PDE4B: variants seen among roughly 807,000 people sequenced by gnomAD.
PDE4B encodes 3',5'-cyclic-AMP phosphodiesterase 4B.
PDE4B carries 20 observed loss-of-function variants against 82.2 expected under a neutral mutation model. The observed-to-expected ratio is 0.24, with a 90% confidence interval of 0.17 to 0.35. The LOEUF is 0.35. Among genes scored for constraint, PDE4B ranks in the 10% least tolerant of loss-of-function variants. The probability of loss-of-function intolerance (pLI) is 1.00; values close to 1 mark genes in which losing one functional copy is unlikely to be tolerated. For missense variants in PDE4B, 655 were observed against 907.2 expected, an observed-to-expected ratio of 0.72 and a Z score of 3.57; for synonymous variants, 320 against 318.9, an observed-to-expected ratio of 1.00 and a Z score of -0.04.
At chr1:65,846,583 G>A (rs1646270513) in intron 1 of PDE4B, among the ~76,000 whole-genome samples, 1 of 152,126 alleles carries the variant, frequency 6.6e-6, no homozygotes, top group Non-Finnish European at 1.5e-5. Context: ...GGGTTAAGAA[G>A]CTAAGATGCT....
chr1:66,251,204 A>G (rs1049196468), intron 4 of PDE4B, among the ~76,000 whole-genome samples: 3 of 152,246 alleles, frequency 2.0e-5, no homozygotes, highest in African/African-American at 7.2e-5. Flanking sequence ...ATCTGTTAAA[A>G]TACTTTACAT....
intron 10 of PDE4B, 119 bp downstream of exon 10, chr1:66,361,912 G>A (rs541400003): frequency 1.8e-5 from 14 of 777,814 alleles, no homozygotes; most frequent in Admixed American, 3.1e-5. Flanking sequence ...TTTGTGTTAG[G>A]GAAGCTCATA....
At chr1:65,816,920 T>C (rs544147864) in intron 1 of PDE4B, among the ~76,000 whole-genome samples, 4 of 152,348 alleles carry the variant, frequency 2.6e-5, no homozygotes, top group African/African-American at 9.6e-5. Flanking sequence ...TAAACATATT[T>C]GTAAAAAAGT....
At chr1:66,058,548 C>T (rs917756730) in intron 3 of PDE4B, among the ~76,000 whole-genome samples, 1 of 152,260 alleles carries the variant, frequency 6.6e-6, no homozygotes, top group African/African-American at 2.4e-5. Flanking sequence ...CATTTCCATA[C>T]ATCCTCTGAA....
chr1:66,242,074 A>G (rs1230104355), intron 3 of PDE4B, among the ~76,000 whole-genome samples: 2 of 152,206 alleles, frequency 1.3e-5, no homozygotes, highest in African/African-American at 4.8e-5. Context: ...AGTGAGAGAG[A>G]TAAGTAAACA....
At chr1:65,880,658 A>C (rs748169075) in intron 1 of PDE4B, among the ~76,000 whole-genome samples, 16 of 152,150 alleles carry the variant, frequency 1.1e-4, no homozygotes, top group Admixed American at 2.6e-4. Flanking sequence ...GGGATCCCTC[A>C]GCAGACACCG....
chr1:66,116,803 A>T (rs992609230), intron 3 of PDE4B, among the ~76,000 whole-genome samples: 2 of 152,128 alleles, frequency 1.3e-5, no homozygotes, highest in Non-Finnish European at 2.9e-5. Context: ...GGGCTCAAGC[A>T]ATCCTCCATC....
chr1:66,224,970 C>T (rs1570505518), intron 3 of PDE4B, among the ~76,000 whole-genome samples: 3 of 152,144 alleles, frequency 2.0e-5, no homozygotes, highest in Non-Finnish European at 4.4e-5. Flanking sequence ...TATCTGTCAC[C>T]GAATCTACCA....
chr1:66,327,270 GA>G (rs1008516075), intron 7 of PDE4B, among the ~76,000 whole-genome samples: 21 of 151,712 alleles, frequency 1.4e-4, no homozygotes, highest in African/African-American at 4.8e-4. Context: ...CATTGAAACA[GA>G]AAAAAAATAA....
At chr1:66,038,456 G>A (rs1294314991) in intron 3 of PDE4B, among the ~76,000 whole-genome samples, 1 of 152,054 alleles carries the variant, frequency 6.6e-6, no homozygotes, top group African/African-American at 2.4e-5. Flanking sequence ...GGAGTGAAGA[G>A]AACATCCTTT....
intron 3 of PDE4B, chr1:65,992,630 A>C: frequency 5.5e-6 from 4 of 721,468 alleles, no homozygotes; most frequent in Non-Finnish European, 7.4e-6. Context: ...TGTAGCTTGC[A>C]GACAAACCTC....
At chr1:66,202,096 T>C (rs1084487) in intron 3 of PDE4B, among the ~76,000 whole-genome samples, 92,619 of 142,096 alleles carry the variant, frequency 0.65, 26,843 homozygotes, top group Non-Finnish European at 0.71. Context: ...GCCTTCATTT[T>C]GTTATGTACC....
chr1:66,118,010 G>A (rs1329429627), intron 3 of PDE4B, among the ~76,000 whole-genome samples: 1 of 152,140 alleles, frequency 6.6e-6, no homozygotes, highest in Non-Finnish European at 1.5e-5. Context: ...ATTCTAATTG[G>A]TGTGAGATGG....
chr1:66,223,053 T>C (rs1426963872), intron 3 of PDE4B, among the ~76,000 whole-genome samples: 4 of 152,208 alleles, frequency 2.6e-5, no homozygotes, highest in African/African-American at 9.6e-5. Flanking sequence ...TGTATATCCA[T>C]TGAGTGTTCA....
At chr1:65,806,808 C>A (rs542536268) in intron 1 of PDE4B, among the ~76,000 whole-genome samples, 18 of 152,300 alleles carry the variant, frequency 1.2e-4, no homozygotes, top group South Asian at 4.1e-4. Flanking sequence ...TGACCAAACT[C>A]TCATTACTGC....
At position 65,933,122 on chromosome 1, in the gene PDE4B, T is replaced by G. The variant is rs1052196853; in HGVS notation, c.281+14287T>G. Among the ~76,000 whole-genome samples, 6 of 151,958 alleles carry G rather than the reference T, an allele frequency of 3.9e-5. No homozygotes were observed. The South Asian group carries it at 1.2e-3, about 32-fold the overall frequency. The stretch of plus-strand genomic sequence containing the variant: ...GAAGCCCAGCAGATACCAGATGAAA[T>G]GAACGGAAAGAAACCTACACTGAGA... On this transcript the variant is annotated intron_variant, in intron 3 of 16. Transcript: ENST00000341517.
intron 3 of PDE4B, among the ~76,000 whole-genome samples, chr1:66,182,297 C>T (rs539843260): frequency 6.6e-6 from 1 of 152,106 alleles, no homozygotes; most frequent in South Asian, 2.1e-4. Flanking sequence ...GGAAACACGT[C>T]AGAATTCATC....
intron 7 of PDE4B, among the ~76,000 whole-genome samples, chr1:66,321,419 G>A (rs1323713453): frequency 2.0e-5 from 3 of 152,120 alleles, no homozygotes; most frequent in Admixed American, 1.3e-4. Flanking sequence ...CTCCAGCATA[G>A]ACTGCTGTAA....
intron 7 of PDE4B, among the ~76,000 whole-genome samples, chr1:66,323,087 A>G (rs1455077088): frequency 1.3e-5 from 2 of 152,118 alleles, no homozygotes; most frequent in Admixed American, 6.6e-5. Context: ...TTAAAATCCA[A>G]ATTTGGCTGG....
Sources: gnomAD v4.1 joint callset for allele counts (sites outside exome capture counted in the v4.1 genomes callset) on GRCh38, gnomAD v4.1.1 for gene constraint, MANE v1.5 for transcripts, NCBI Gene and HGNC (gene_info 2026-07-23, HGNC 2026-07-21) for gene names.